NAV3: variants seen among roughly 807,000 people sequenced by gnomAD.
The protein encoded by NAV3 is neuron navigator 3, also known as pore membrane and/or filament interacting like protein 1.
Under a neutral mutation model 244.7 loss-of-function variants are expected in NAV3, and 87 were observed. That is an observed-to-expected ratio of 0.36 (90% CI 0.30 to 0.42). The LOEUF (loss-of-function observed/expected upper bound fraction) is 0.42. Ranked by LOEUF, NAV3 falls within the 20% of genes least tolerant of loss-of-function variation. The pLI, the probability that NAV3 is intolerant of heterozygous loss-of-function variation, is 1.00. For synonymous variants in NAV3, 1,126 were observed against 1,042.2 expected, an observed-to-expected ratio of 1.08 and a Z score of -1.55; for missense variants, 2,663 against 2,893.3, an observed-to-expected ratio of 0.92 and a Z score of 1.83.
chr12:78,054,521 G>A (rs1440122778), intron 11 of NAV3, among the ~76,000 whole-genome samples: 1 of 152,182 alleles, frequency 6.6e-6, no homozygotes, highest in Non-Finnish European at 1.5e-5. Context: ...TTATGGGAAG[G>A]AAATATGCAA....
intron 9 of NAV3, chr12:78,037,083 C>T (rs745633015): frequency 2.8e-6 from 2 of 702,782 alleles, no homozygotes; most frequent in South Asian, 1.5e-5. Context: ...GTTTCTCTCG[C>T]GGTCTGTGCA....
chr12:77,910,889 C>G (rs1886513930), intron 1 of NAV3, among the ~76,000 whole-genome samples: 1 of 152,032 alleles, frequency 6.6e-6, no homozygotes, highest in Non-Finnish European at 1.5e-5. Context: ...GAAACAGTAA[C>G]CTAAAACATG....
intron 2 of NAV3, among the ~76,000 whole-genome samples, chr12:77,712,615 T>C (rs1476027491): frequency 6.6e-6 from 1 of 152,212 alleles, no homozygotes; most frequent in Non-Finnish European, 1.5e-5. Flanking sequence ...ATGGTTCTTA[T>C]AGTCTCTTGT....
Position 78,006,702 on chromosome 12 carries a change from C to G in NAV3, c.1164C>G (p.Phe388Leu), listed in dbSNP as rs1874283760. Residue 388 changes from phenylalanine to leucine, a missense_variant, in exon 8 of 40, where the codon TTC (phenylalanine) becomes TTG (leucine). Phe to Leu is a conservative substitution (Grantham distance 22). This residue lies in a region of NAV3 where 1,521 missense variants were observed against 1,497.0 expected (regional missense o/e 1.02). Coordinates refer to ENST00000397909, the MANE Select transcript of NAV3 (RefSeq NM_001024383.2). Reference protein sequence around the residue: ...PSGQKSMLEKFKLVNARTALR... With the variant: ...PSGQKSMLEKLKLVNARTALR... ...GACAGAAATCCATGCTTGAGAAATT[C>G]AAGCTAGTCAATGCCCGGACTGCTT... 1 of 1,614,008 alleles carries G rather than the reference C, an allele frequency of 6.2e-7. No homozygotes were observed. Among genetic ancestry groups the G allele is most frequent in the Non-Finnish European group, 8.5e-7 (1 of 1,180,034 alleles).
intron 2 of NAV3, among the ~76,000 whole-genome samples, chr12:77,721,914 C>T (rs1039199594): frequency 3.9e-4 from 59 of 152,188 alleles, no homozygotes; most frequent in African/African-American, 1.4e-3. Flanking sequence ...GGACAGCCAA[C>T]CCTAACCAGA....
Position 78,182,974 on chromosome 12 carries a change from A to T in NAV3, c.5692+1929A>T, listed in dbSNP as rs1244412457. The stretch of plus-strand genomic sequence containing the variant: ...AAGATAAAGAAAGTAGGCAGGAGAG[A>T]GGATAATTGGCAAATATCTAGTTCC... On this transcript the variant is annotated intron_variant, in intron 30 of 39. Coordinates refer to ENST00000397909, the MANE Select transcript of NAV3 (RefSeq NM_001024383.2). Among the ~76,000 whole-genome samples the T allele has an allele frequency of 2.0e-5, 3 of 152,074 alleles. No homozygotes were observed. The East Asian group carries it at 5.8e-4, about 29-fold the overall frequency.
intron 2 of NAV3, among the ~76,000 whole-genome samples, chr12:77,604,883 AC>A (rs1870602399): frequency 6.6e-6 from 1 of 152,116 alleles, no homozygotes; most frequent in Non-Finnish European, 1.5e-5. Context: ...GTTTGAAAAA[AC>A]TAAACTTCCT....
At chr12:78,204,372 A>T (rs1960068173) in intron 38 of NAV3, among the ~76,000 whole-genome samples, 1 of 152,076 alleles carries the variant, frequency 6.6e-6, no homozygotes, top group Non-Finnish European at 1.5e-5. Context: ...ATAAGATAAA[A>T]AAGAGTTTTT....
chr12:77,780,127 G>A (rs891492332), intron 2 of NAV3, among the ~76,000 whole-genome samples: 1 of 152,130 alleles, frequency 6.6e-6, no homozygotes, highest in Non-Finnish European at 1.5e-5. Context: ...CAAAGTTGCA[G>A]AGGAAGTGGA....
rs1892716366 is a variant in NAV3 at position 77,968,610 on chromosome 12, T to C, written c.579T>C (p.Tyr193=). 6.2e-7 allele frequency: 1 copy of C among 1,614,124 alleles called. No individual in the cohort carries two copies. The highest frequency in any genetic ancestry group is 1.3e-5 in the African/African-American group (1 of 75,038). Residue 193 remains tyrosine (Y), a synonymous_variant, in exon 5 of 40, where the codon TAT becomes TAC. Coordinates refer to ENST00000397909, the MANE Select transcript of NAV3 (RefSeq NM_001024383.2). ...AACAACACCATCAACAACAGTACTA[T>C]CAGTCCTTGGTGGAACTTCAGCAGC... ...KQQQHHQQQY[Y]QSLVELQQRV... is the part of the protein sequence containing the mutation.
intron 24 of NAV3, among the ~76,000 whole-genome samples, chr12:78,170,874 T>C (rs1343124860): frequency 6.6e-6 from 1 of 151,716 alleles, no homozygotes. Context: ...GTGATATGTT[T>C]CTGGAAGCAG....
chr12:77,832,550 A>G (rs1379203611), intron 1 of NAV3, among the ~76,000 whole-genome samples: 1 of 152,226 alleles, frequency 6.6e-6, no homozygotes, highest in Admixed American at 6.5e-5. Context: ...AGATTCTGAT[A>G]CAGGCATACA....
chr12:78,192,921 G>T (rs1035802269), intron 34 of NAV3, among the ~76,000 whole-genome samples: 1 of 152,090 alleles, frequency 6.6e-6, no homozygotes, highest in Non-Finnish European at 1.5e-5. Context: ...GGAGTTGGGG[G>T]TGAGGGTAAG....
At chr12:78,093,691 T>C (rs1954085934) in intron 12 of NAV3, among the ~76,000 whole-genome samples, 1 of 151,922 alleles carries the variant, frequency 6.6e-6, no homozygotes, top group Admixed American at 6.6e-5. Flanking sequence ...TAGAAAAAAA[T>C]AAAAATGAAT....
In NAV3 at chr12:78,006,452, T is replaced by C. The variant is rs888120739; in HGVS notation, c.914T>C (p.Val305Ala). The C allele has an allele frequency of 1.9e-6, 3 of 1,613,984 alleles. No individual in the cohort carries two copies. Among genetic ancestry groups the C allele is most frequent in the Non-Finnish European group, 2.5e-6 (3 of 1,179,992 alleles). ...AAAGGACCTCAATCGTCTTCAGGTGTAAATGGTAACGTGCAGCCTCCCAGT... is the reference window on the plus strand; with the variant it reads ...AAAGGACCTCAATCGTCTTCAGGTGCAAATGGTAACGTGCAGCCTCCCAGT... ...SSKGPQSSSGVNGNVQPPSTA... is the reference protein window; with the variant it reads ...SSKGPQSSSGANGNVQPPSTA... Residue 305 changes from valine to alanine, a missense_variant, in exon 8 of 40, where the codon GTA (valine) becomes GCA (alanine). This residue lies in a region of NAV3 where 1,521 missense variants were observed against 1,497.0 expected (regional missense o/e 1.02). Coordinates refer to ENST00000397909, the MANE Select transcript of NAV3 (RefSeq NM_001024383.2).
chr12:78,034,728 C>G (rs1231791618), intron 9 of NAV3, among the ~76,000 whole-genome samples: 1 of 152,040 alleles, frequency 6.6e-6, no homozygotes, highest in Non-Finnish European at 1.5e-5. Flanking sequence ...ACTATGGTCT[C>G]AGGACTTGGA....
At chr12:77,611,256 T>A (rs1870901117) in intron 2 of NAV3, among the ~76,000 whole-genome samples, 1 of 152,010 alleles carries the variant, frequency 6.6e-6, no homozygotes, top group South Asian at 2.1e-4. Context: ...AATTTTCTAT[T>A]TATTTTACTG....
intron 2 of NAV3, among the ~76,000 whole-genome samples, chr12:77,626,048 T>G (rs1871604933): frequency 6.6e-6 from 1 of 151,596 alleles, no homozygotes; most frequent in African/African-American, 2.4e-5. Flanking sequence ...TGCAAAGAAA[T>G]CAGAAAAACA....
chr12:77,685,678 G>A (rs1283557780), intron 2 of NAV3, among the ~76,000 whole-genome samples: 1 of 152,102 alleles, frequency 6.6e-6, no homozygotes, highest in Non-Finnish European at 1.5e-5. Flanking sequence ...CTGTAAGAAT[G>A]GCTGTTTGTC....
Sources: allele counts gnomAD v4.1 joint callset (sites outside exome capture counted in the v4.1 genomes callset), GRCh38; gene constraint gnomAD v4.1.1; regional missense constraint gnomAD v4.1.1; transcripts MANE v1.5; gene names NCBI Gene and HGNC (gene_info 2026-07-23, HGNC 2026-07-21).